Variants in ROBO1 observed in about 807,000 individuals in gnomAD.
The protein encoded by ROBO1 is roundabout guidance receptor 1.
ROBO1 carries 149 observed loss-of-function variants against 195.9 expected under a neutral mutation model. The ratio of observed to expected loss-of-function variants is 0.76; its 90% confidence interval spans 0.67 to 0.87. The LOEUF (loss-of-function observed/expected upper bound fraction) is 0.87, where lower values mean the gene tolerates loss of function less well. Among genes scored for constraint, ROBO1 ranks in the 40% least tolerant of loss-of-function variants. ROBO1 has a pLI of 0.00. For missense variants in ROBO1, 1,933 were observed against 2,068.3 expected, an observed-to-expected ratio of 0.93 and a Z score of 1.27; for synonymous variants, 816 against 733.2, an observed-to-expected ratio of 1.11 and a Z score of -1.82.
chr3:79,045,058 G>A (rs1165872869), intron 3 of ROBO1, among the ~76,000 whole-genome samples: 1 of 151,964 alleles, frequency 6.6e-6, no homozygotes, highest in African/African-American at 2.4e-5. Flanking sequence ...GCAAAGAATA[G>A]TTCTTTGAAA....
intron 8 of ROBO1, among the ~76,000 whole-genome samples, chr3:78,699,744 C>A (rs1283194483): frequency 6.6e-6 from 1 of 151,936 alleles, no homozygotes; most frequent in East Asian, 1.9e-4. Flanking sequence ...CGTATCACCT[C>A]TTCTCCCTCT....
intron 2 of ROBO1, among the ~76,000 whole-genome samples, chr3:79,483,856 A>C (rs565753495): frequency 6.6e-6 from 1 of 152,150 alleles, no homozygotes; most frequent in African/African-American, 2.4e-5. Context: ...CCAGTAGAGA[A>C]ATCTCTAATA....
At chr3:79,049,727 G>C (rs764327501) in intron 3 of ROBO1, among the ~76,000 whole-genome samples, 4 of 152,140 alleles carry the variant, frequency 2.6e-5, no homozygotes, top group Non-Finnish European at 4.4e-5. Context: ...AGCCAGAAGA[G>C]AGTGGTGGCC....
intron 2 of ROBO1, among the ~76,000 whole-genome samples, chr3:79,366,258 T>C (rs1335427764): frequency 2.6e-5 from 4 of 152,174 alleles, no homozygotes; most frequent in Admixed American, 2.6e-4. Flanking sequence ...GACAAAGTTT[T>C]GCTGTTTATT....
intron 2 of ROBO1, among the ~76,000 whole-genome samples, chr3:79,476,794 C>T (rs1016235301): frequency 6.6e-6 from 1 of 151,962 alleles, no homozygotes; most frequent in Non-Finnish European, 1.5e-5. Flanking sequence ...GGATAAAAGA[C>T]TACACACTGG....
At position 78,774,927 on chromosome 3, in the gene ROBO1, T is replaced by C. The variant is rs948315279; in HGVS notation, c.500-28027A>G. On this transcript the variant is annotated intron_variant, in intron 4 of 30. Coordinates refer to ENST00000464233, the MANE Select transcript of ROBO1 (RefSeq NM_002941.4). ...TATATATTAAGTCAATATCCACTGG[T>C]AAATTCGTAATACTCTTCATACCAT... is the stretch of plus-strand genomic sequence containing the variant. 4.6e-5 allele frequency among the ~76,000 whole-genome samples: 7 copies of C among 152,232 alleles called. No individual in the cohort carries two copies. In the East Asian group the frequency reaches 1.2e-3, roughly 25 times the overall value.
chr3:78,672,260 C>A lies in ROBO1; in HGVS notation c.1343-1959G>T, dbSNP rs200928618. On this transcript the variant is annotated intron_variant, in intron 10 of 30. Transcript: ENST00000464233. Reference sequence around the variant, plus strand: ...TCTTTGGTAAAAACAACAACAACAACAAAAAAAACTATTATGTAAATCAGA... The same window carrying A: ...TCTTTGGTAAAAACAACAACAACAAAAAAAAAAACTATTATGTAAATCAGA... 5.1e-3 allele frequency among the ~76,000 whole-genome samples: 689 copies of A among 135,462 alleles called. 7 individuals carry two copies. Among genetic ancestry groups the A allele is most frequent in the African/African-American group, 0.017 (633 of 38,122 alleles). 88.9% of individuals were successfully genotyped at this position (135,462 alleles called of 152,430 possible).
chr3:78,667,743 AAATT>A lies in ROBO1; in HGVS notation c.1966+136_1966+139del, dbSNP rs1219624316. 147 of 759,578 alleles carry A rather than the reference AAATT, an allele frequency of 1.9e-4. No homozygotes were observed. In the African/African-American group the frequency reaches 2.2e-3, roughly 11 times the overall value. 47.1% of individuals were successfully genotyped at this position (759,578 alleles called of 1,614,324 possible). The stretch of plus-strand genomic sequence containing the variant: ...TGTAGACATTGTGTTTGTATATTAA[AAATT>A]AATTAAGCAACTTGGGCAACTTGAA... On this transcript the variant is annotated intron_variant, in intron 14 of 30. Coordinates refer to ENST00000464233, the MANE Select transcript of ROBO1 (RefSeq NM_002941.4).
chr3:79,492,144 G>T (rs1939493747), intron 2 of ROBO1, among the ~76,000 whole-genome samples: 1 of 152,142 alleles, frequency 6.6e-6, no homozygotes, highest in African/African-American at 2.4e-5. Flanking sequence ...GAGGCCGTAG[G>T]TCAGGCACGG....
intron 2 of ROBO1, among the ~76,000 whole-genome samples, chr3:79,569,719 ATGTG>A (rs1943215679): frequency 6.7e-6 from 1 of 150,220 alleles, no homozygotes; most frequent in African/African-American, 2.4e-5. Context: ...GTATATATAT[ATGTG>A]TGTGTATGTG....
intron 10 of ROBO1, among the ~76,000 whole-genome samples, chr3:78,682,001 G>A (rs936595545): frequency 7.9e-5 from 12 of 152,258 alleles, no homozygotes; most frequent in South Asian, 4.1e-4. Context: ...GGTAAAGCAC[G>A]TTAAGGAATA....
chr3:78,694,907 G>C (rs1441276148), intron 8 of ROBO1, among the ~76,000 whole-genome samples: 1 of 151,980 alleles, frequency 6.6e-6, no homozygotes, highest in Non-Finnish European at 1.5e-5. Context: ...GAAAAGTAGA[G>C]AAATGATTCC....
intron 4 of ROBO1, among the ~76,000 whole-genome samples, chr3:78,913,090 T>C (rs1369363384): frequency 6.6e-6 from 1 of 152,186 alleles, no homozygotes; most frequent in Non-Finnish European, 1.5e-5. Context: ...TTTACCATTA[T>C]ATCAGTTCTT....
chr3:78,842,320 GC>G (rs1317471118), intron 4 of ROBO1, among the ~76,000 whole-genome samples: 1 of 115,402 alleles, frequency 8.7e-6, no homozygotes, highest in East Asian at 2.3e-4. Context: ...ATATATATGA[GC>G]CATATATATT....
At chr3:79,260,413 A>G (rs1027787894) in intron 2 of ROBO1, among the ~76,000 whole-genome samples, 1 of 152,052 alleles carries the variant, frequency 6.6e-6, no homozygotes, top group Admixed American at 6.6e-5. Flanking sequence ...GTATATATTT[A>G]TGTATATTAT....
intron 1 of ROBO1, among the ~76,000 whole-genome samples, chr3:79,593,330 G>C (rs557906496): frequency 7.2e-5 from 11 of 152,022 alleles, no homozygotes; most frequent in Non-Finnish European, 1.5e-4. Context: ...GCAAGAAACT[G>C]TCAAATTGTC....
chr3:78,965,760 T>C (rs181814245), intron 3 of ROBO1, among the ~76,000 whole-genome samples: 1 of 152,302 alleles, frequency 6.6e-6, no homozygotes, highest in African/African-American at 2.4e-5. Context: ...AATTTCTCAC[T>C]CCATAACAAT....
chr3:79,716,198 G>T (rs1195127713), intron 1 of ROBO1, among the ~76,000 whole-genome samples: 1 of 151,900 alleles, frequency 6.6e-6, no homozygotes. Flanking sequence ...TGTCATGAGT[G>T]CTAAGATAAA....
intron 4 of ROBO1, among the ~76,000 whole-genome samples, chr3:78,761,519 T>C (rs1031546067): frequency 1.3e-5 from 2 of 152,212 alleles, no homozygotes; most frequent in African/African-American, 4.8e-5. Flanking sequence ...TTATAAGTCA[T>C]TAATATAATC....
Sources: gnomAD v4.1 joint callset for allele counts (sites outside exome capture counted in the v4.1 genomes callset) on GRCh38, gnomAD v4.1.1 for gene constraint, MANE v1.5 for transcripts, NCBI Gene and HGNC (gene_info 2026-07-23, HGNC 2026-07-21) for gene names.